The following CYP2J2 variants were observed in gnomAD, a reference collection of about 807,000 sequenced individuals.
The protein encoded by CYP2J2 is cytochrome P450 2J2.
CYP2J2 carries 41 observed loss-of-function variants against 48.8 expected under a neutral mutation model. The ratio of observed to expected loss-of-function variants is 0.84; its 90% CI spans 0.66 to 1.09. CYP2J2 has a LOEUF of 1.09. CYP2J2 is among the 50% of genes least tolerant of loss of function. The pLI is 0.00. For missense variants in CYP2J2, 644 were observed against 617.3 expected (o/e 1.04, Z -0.46); for synonymous variants, 221 against 227.1 (o/e 0.97, Z 0.24).
intron 4 of CYP2J2, among the ~76,000 whole-genome samples, chr1:59,910,418 C>A (rs189228957): frequency 1.3e-5 from 2 of 152,236 alleles, no homozygotes; most frequent in Admixed American, 6.5e-5. Context: ...GGCATAGATG[C>A]AGATACAGTG....
the CYP2J2 span, among the ~76,000 whole-genome samples, chr1:59,944,358 G>A: frequency 2.6e-5 from 4 of 152,116 alleles, no homozygotes; most frequent in African/African-American, 9.7e-5. Flanking sequence ...AAGTAGCTGG[G>A]ACTACAGGCA....
chr1:59,966,458 GAA>G, the CYP2J2 span, among the ~76,000 whole-genome samples: 2 of 152,174 alleles, frequency 1.3e-5, no homozygotes, highest in Non-Finnish European at 1.5e-5. Context: ...TGAGGAAACT[GAA>G]AGTCACGTAG....
rs755664319 is a variant in CYP2J2, at chr1:59,912,142, C to G, written c.523+20G>C. 15 of 1,604,568 alleles carry G rather than the reference C, an allele frequency of 9.3e-6. No individual in the cohort carries two copies. Among genetic ancestry groups the G allele is most frequent in the Admixed American group, 1.7e-5 (1 of 59,000 alleles). On this transcript the variant is annotated intron_variant, in intron 3 of 8. Transcript: ENST00000371204. ...ACAAATGGGCCACAGTCTCTCACCT[C>G]TGTCATATGCAATGCTCACCGTTCT...
intron 1 of CYP2J2, among the ~76,000 whole-genome samples, chr1:59,924,850 TA>T (rs1644551148): frequency 6.6e-6 from 1 of 151,872 alleles, no homozygotes; most frequent in South Asian, 2.1e-4. Flanking sequence ...ATTCACCAAT[TA>T]AAAGACAGAG....
In CYP2J2 at chr1:59,905,038, C is replaced by A; in HGVS notation, c.1024G>T (p.Asp342Tyr). ...TGCTGCCCCTGGCCAATCACTCTGT[C>A]AATCTCAGCTTGTACTTTTTCTGGT... is the stretch of plus-strand genomic sequence containing the variant. ...EIQEKVQAEI[D>Y]RVIGQGQQPS... Residue 342 changes from aspartate (D) to tyrosine (Y), a missense_variant, in exon 7 of 9, where the codon GAC (aspartate) becomes TAC (tyrosine). By Grantham distance (160) the Asp-to-Tyr change is radical. Transcript: ENST00000371204. 1 of 1,613,586 alleles carries A rather than the reference C, an allele frequency of 6.2e-7. No individual in the cohort carries two copies. Among genetic ancestry groups the A allele is most frequent in the Non-Finnish European group, 8.5e-7 (1 of 1,179,830 alleles).
chr1:59,926,710 A>C lies in CYP2J2; in HGVS notation c.37T>G (p.Trp13Gly). 1.2e-6 allele frequency: 2 copies of C among 1,613,066 alleles called. No homozygotes were observed. The highest frequency in any genetic ancestry group is 1.7e-6 in the Non-Finnish European group (2 of 1,179,522). ...AAMGSLAAAL[W>G]AVVHPRTLLL... Reference sequence around the variant, plus strand: ...AGAGTCCGAGGATGGACCACTGCCCAGAGGGCAGCCGCCAGAGAGCCCATC... The same window carrying C: ...AGAGTCCGAGGATGGACCACTGCCCCGAGGGCAGCCGCCAGAGAGCCCATC... The change falls in exon 1 of 9, where the codon TGG becomes GGG. Residue 13 changes from tryptophan to glycine, a missense_variant. Trp to Gly is a radical substitution (Grantham distance 184). Transcript: ENST00000371204.
intron 8 of CYP2J2, among the ~76,000 whole-genome samples, chr1:59,895,609 C>T (rs1644261725): frequency 6.6e-6 from 1 of 151,834 alleles, no homozygotes. Flanking sequence ...TTTTCCATTG[C>T]TATTTCTTGA....
In CYP2J2 at chr1:59,905,525, G is replaced by A. The variant is rs529334659; in HGVS notation, c.1004-467C>T. On this transcript the variant is annotated intron_variant, in intron 6 of 8. Coordinates refer to ENST00000371204, the MANE Select transcript of CYP2J2 (RefSeq NM_000775.4). Reference sequence around the variant, plus strand: ...TCAACATATAAATTTGGGCTGGGGTGGGCCCAAGTATTCAACCCATAGCAG... The same window carrying A: ...TCAACATATAAATTTGGGCTGGGGTAGGCCCAAGTATTCAACCCATAGCAG... Among the ~76,000 whole-genome samples, 138 of 152,208 alleles carry A rather than the reference G, an allele frequency of 9.1e-4. 1 individual carries two copies. Among genetic ancestry groups the A allele is most frequent in the African/African-American group, 3.2e-3 (132 of 41,500 alleles).
At chr1:59,957,289 A>C in the CYP2J2 span, among the ~76,000 whole-genome samples, 1 of 152,050 alleles carries the variant, frequency 6.6e-6, no homozygotes, top group Non-Finnish European at 1.5e-5. Context: ...AATTCCATTA[A>C]CATAGCAGAA....
chr1:59,899,809 T>C (rs958564202), intron 8 of CYP2J2, among the ~76,000 whole-genome samples: 11 of 152,230 alleles, frequency 7.2e-5, no homozygotes, highest in Non-Finnish European at 1.5e-5. Flanking sequence ...AGTTTTGTTT[T>C]GTTTTGGTTT....
intron 1 of CYP2J2, among the ~76,000 whole-genome samples, chr1:59,922,410 T>C (rs914561813): frequency 2.6e-5 from 4 of 152,272 alleles, no homozygotes; most frequent in African/African-American, 9.6e-5. Flanking sequence ...GTTTCCCAAT[T>C]GCAAGAATGT....
At chr1:59,935,037 T>TATATACATATATATATAG in the CYP2J2 span, among the ~76,000 whole-genome samples, 1 of 96,208 alleles carries the variant, frequency 1.0e-5, no homozygotes, top group Non-Finnish European at 2.2e-5. Flanking sequence ...TATATATATA[T>TATATACATATATATATAG]ATATATATAT....
chr1:59,899,361 G>T (rs1034735158), intron 8 of CYP2J2, among the ~76,000 whole-genome samples: 1 of 152,170 alleles, frequency 6.6e-6, no homozygotes, highest in African/African-American at 2.4e-5. Context: ...ATTAGATGAA[G>T]AAAGACAAAG....
chr1:59,915,481 A>G (rs1451941618), intron 2 of CYP2J2, among the ~76,000 whole-genome samples: 1 of 152,122 alleles, frequency 6.6e-6, no homozygotes, highest in Non-Finnish European at 1.5e-5. Context: ...TGTTCATGCC[A>G]ATCTGTTCTA....
At chr1:59,928,222 G>C (rs1028857687), upstream of CYP2J2, among the ~76,000 whole-genome samples, 1 of 152,096 alleles carries the variant, frequency 6.6e-6, no homozygotes, top group South Asian at 2.1e-4. Context: ...TGATGCAGGG[G>C]AATGACTTCC....
intron 5 of CYP2J2, among the ~76,000 whole-genome samples, chr1:59,908,712 A>G (rs577347373): frequency 6.6e-5 from 10 of 152,324 alleles, no homozygotes; most frequent in African/African-American, 2.2e-4. Flanking sequence ...CATTCTTTCC[A>G]CTCCAGAAGT....
chr1:59,953,306 A>G, the CYP2J2 span, among the ~76,000 whole-genome samples: 1 of 152,126 alleles, frequency 6.6e-6, no homozygotes, highest in African/African-American at 2.4e-5. Flanking sequence ...ACAAATATTT[A>G]TTGGGCACCC....
chr1:59,946,110 A>G, the CYP2J2 span, among the ~76,000 whole-genome samples: 1 of 152,200 alleles, frequency 6.6e-6, no homozygotes, highest in Admixed American at 6.5e-5. Context: ...ATGCCTTCCC[A>G]TCTTACTCAA....
the CYP2J2 span, among the ~76,000 whole-genome samples, chr1:59,935,734 A>G: frequency 1.3e-5 from 2 of 152,228 alleles, no homozygotes; most frequent in African/African-American, 4.8e-5. Context: ...ACTCAATATC[A>G]TCAGGATGTC....
Sources: gnomAD v4.1 joint callset for allele counts (sites outside exome capture counted in the v4.1 genomes callset) on GRCh38, gnomAD v4.1.1 for gene constraint, MANE v1.5 for transcripts, NCBI Gene and HGNC (gene_info 2026-07-23, HGNC 2026-07-21) for gene names.